PHACTR1: variants seen among roughly 807,000 people sequenced by gnomAD.
PHACTR1 encodes RPEL repeat containing 1.
Under a neutral mutation model 69.2 loss-of-function variants are expected in PHACTR1, and 16 were observed. The ratio of observed to expected loss-of-function variants is 0.23; its 90% CI spans 0.16 to 0.35. PHACTR1 has a LOEUF of 0.35. Among genes scored for constraint, PHACTR1 ranks in the 10% least tolerant of loss-of-function variants. PHACTR1 has a pLI of 1.00. For missense variants in PHACTR1, 510 were observed against 734.7 expected, an observed-to-expected ratio of 0.69 and a Z score of 3.54; for synonymous variants, 312 against 284.5, an observed-to-expected ratio of 1.10 and a Z score of -0.97.
intron 4 of PHACTR1, among the ~76,000 whole-genome samples, chr6:12,763,946 G>GA (rs1768323970): frequency 6.6e-6 from 1 of 151,874 alleles, no homozygotes. Flanking sequence ...ATATTGTTTG[G>GA]AAAAAAAGCC....
Position 12,758,861 on chromosome 6 carries a change from G to A in PHACTR1, c.250+9071G>A, listed in dbSNP as rs559844497. On this transcript the variant is annotated intron_variant, in intron 4 of 14. Coordinates refer to ENST00000332995, the MANE Select transcript of PHACTR1 (RefSeq NM_030948.6). ...ATTGGGGCCAGGCACAGTGGCTCAC[G>A]CCTGTGATCCTTGCGTTTTGGGAGG... 4.6e-5 allele frequency among the ~76,000 whole-genome samples: 7 copies of A among 152,118 alleles called. No homozygotes were observed. The East Asian group carries it at 5.8e-4, about 13-fold the overall frequency.
chr6:13,185,026 G>C, intron 7 of PHACTR1: 1 of 1,341,326 alleles, frequency 7.5e-7, no homozygotes, highest in Non-Finnish European at 9.9e-7. Flanking sequence ...ACGTCTTCTG[G>C]GGCAAGCAGT....
At chr6:13,061,926 A>T (rs1039827032) in intron 5 of PHACTR1, among the ~76,000 whole-genome samples, 2 of 152,222 alleles carry the variant, frequency 1.3e-5, no homozygotes, top group African/African-American at 2.4e-5. Context: ...GTTTCGCTCC[A>T]GCTATTAGGA....
intron 4 of PHACTR1, among the ~76,000 whole-genome samples, chr6:12,798,107 A>G (rs1479758074): frequency 2.0e-5 from 3 of 149,198 alleles, no homozygotes; most frequent in East Asian, 4.0e-4. Flanking sequence ...ACTTTGGTTA[A>G]TTACTGTATC....
chr6:13,027,099 A>G (rs1176573428), intron 4 of PHACTR1, among the ~76,000 whole-genome samples: 4 of 152,058 alleles, frequency 2.6e-5, no homozygotes, highest in Non-Finnish European at 5.9e-5. Context: ...TTAGGGATAT[A>G]AGGGATTAGA....
In PHACTR1 at chr6:12,788,443, A is replaced by C. The variant is rs371599105; in HGVS notation, c.250+38653A>C. Among the ~76,000 whole-genome samples the C allele has an allele frequency of 3.9e-5, 6 of 152,316 alleles. No homozygotes were observed. In the East Asian group the frequency reaches 1.2e-3, roughly 29 times the overall value. ...AATGAGGACCTCATAGGTGATGGAG[A>C]GGAACGAAATATAATAAATGAGAAT... On this transcript the variant is annotated intron_variant, in intron 4 of 14. Transcript: ENST00000332995.
chr6:13,093,191 T>G (rs2127834198), intron 5 of PHACTR1, among the ~76,000 whole-genome samples: 1 of 152,370 alleles, frequency 6.6e-6, no homozygotes, highest in African/African-American at 2.4e-5. Context: ...TATTAGGTTT[T>G]ATGAACTATA....
chr6:13,281,381 CTA>C (rs1780162654), intron 12 of PHACTR1: 1 of 325,774 alleles, frequency 3.1e-6, no homozygotes, highest in African/African-American at 2.2e-5. Flanking sequence ...TGGCGAAACC[CTA>C]TCTCTATTAA....
In PHACTR1 at chr6:13,003,951, C is replaced by CTATATATATATATATATACATATATA. The variant is rs1384494931; in HGVS notation, c.251-49401_251-49400insATATACATATATATATATATATATAT. Among the ~76,000 whole-genome samples, 4 of 93,554 alleles carry CTATATATATATATATATACATATATA rather than the reference C, an allele frequency of 4.3e-5. 1 individual carries two copies. The highest frequency in any genetic ancestry group is 1.9e-4 in the African/African-American group (3 of 16,058). The allele number at this position is 93,554 out of a possible 152,430, so 61.4% of individuals were successfully genotyped here. A position where few individuals can be genotyped will look rare whatever the true frequency, so the allele number is the denominator to read the frequency against. On this transcript the variant is annotated intron_variant, in intron 4 of 14. Transcript: ENST00000332995. ...CTTTTTTTATGGCTCAGTAGTATTCCTATATATATATATGTATATATATAT... is the reference window on the plus strand; with the variant it reads ...CTTTTTTTATGGCTCAGTAGTATTCCTATATATATATATATATACATATATATATATATATATATGTATATATATAT...
At chr6:12,806,755 T>C (rs1774388992) in intron 4 of PHACTR1, among the ~76,000 whole-genome samples, 1 of 152,206 alleles carries the variant, frequency 6.6e-6, no homozygotes, top group South Asian at 2.1e-4. Context: ...ATCTGCATTA[T>C]ACATTTTCAC....
intron 10 of PHACTR1, among the ~76,000 whole-genome samples, chr6:13,242,801 A>T (rs1429917499): frequency 6.6e-6 from 1 of 152,228 alleles, no homozygotes; most frequent in East Asian, 1.9e-4. Context: ...ATTTCCAGGG[A>T]AACAAGTTAC....
intron 4 of PHACTR1, among the ~76,000 whole-genome samples, chr6:13,027,908 C>G (rs1801931043): frequency 6.6e-6 from 1 of 152,172 alleles, no homozygotes; most frequent in African/African-American, 2.4e-5. Flanking sequence ...AACTCCTGAC[C>G]TCAGGTGATC....
intron 3 of PHACTR1, among the ~76,000 whole-genome samples, chr6:12,746,984 G>T (rs977333375): frequency 2.6e-5 from 4 of 152,208 alleles, no homozygotes; most frequent in Admixed American, 6.5e-5. Flanking sequence ...CCCGAAAGTT[G>T]TAATCAATAG....
chr6:12,786,983 T>C (rs189366541), intron 4 of PHACTR1, among the ~76,000 whole-genome samples: 2 of 152,296 alleles, frequency 1.3e-5, no homozygotes, highest in Admixed American at 1.3e-4. Flanking sequence ...GGCTAGGAAA[T>C]ACACTGTTAA....
intron 10 of PHACTR1, among the ~76,000 whole-genome samples, chr6:13,268,119 T>A (rs972322850): frequency 2.0e-5 from 3 of 151,990 alleles, no homozygotes; most frequent in African/African-American, 7.3e-5. Context: ...ATACAAAAAT[T>A]AGCTGGGCGT....
At chr6:12,927,371 G>A (rs9367262) in intron 4 of PHACTR1, among the ~76,000 whole-genome samples, 24,037 of 152,002 alleles carry the variant, frequency 0.16, 4,262 homozygotes, top group African/African-American at 0.44. Context: ...TTTCTTGCAT[G>A]GGCTTGCAAA....
intron 12 of PHACTR1, among the ~76,000 whole-genome samples, chr6:13,281,761 A>G (rs1780300619): frequency 6.6e-6 from 1 of 152,264 alleles, no homozygotes; most frequent in South Asian, 2.1e-4. Context: ...TTTTGGAGTC[A>G]GGATGACTGC....
chr6:12,809,512 C>A (rs1429322227), intron 4 of PHACTR1, among the ~76,000 whole-genome samples: 2 of 152,192 alleles, frequency 1.3e-5, no homozygotes, highest in African/African-American at 4.8e-5. Context: ...TATTTATCAA[C>A]CCTACTCTAG....
chr6:12,902,890 G>A (rs1785350828), intron 4 of PHACTR1, among the ~76,000 whole-genome samples: 2 of 152,182 alleles, frequency 1.3e-5, no homozygotes, highest in Admixed American at 6.5e-5. Flanking sequence ...CCAGCAACCC[G>A]GTCCCCAGAA....
Sources: allele counts gnomAD v4.1 joint callset (sites outside exome capture counted in the v4.1 genomes callset), GRCh38; gene constraint gnomAD v4.1.1; transcripts MANE v1.5; gene names NCBI Gene and HGNC (gene_info 2026-07-23, HGNC 2026-07-21).